Variants in MARCHF7 observed in about 807,000 individuals in gnomAD.
MARCHF7 encodes membrane associated ring-CH-type finger 7, also known as E3 ubiquitin-protein ligase MARCHF7.
In MARCHF7, 20 loss-of-function variants were observed where a neutral mutation model predicts 76.5. The observed-to-expected ratio is 0.26, with a 90% confidence interval of 0.18 to 0.38. MARCHF7 has a LOEUF of 0.38. MARCHF7 is among the 10% of genes least tolerant of loss of function. The probability of loss-of-function intolerance (pLI) is 1.00; values close to 1 mark genes in which losing one functional copy is unlikely to be tolerated. For synonymous variants in MARCHF7, 295 were observed against 293.0 expected, an observed-to-expected ratio of 1.01 and a Z score of -0.07; for missense variants, 797 against 812.9, an observed-to-expected ratio of 0.98 and a Z score of 0.24.
intron 10 of MARCHF7, among the ~76,000 whole-genome samples, chr2:159,763,194 A>AT (rs1408259171): frequency 6.6e-6 from 1 of 152,176 alleles, no homozygotes; most frequent in Non-Finnish European, 1.5e-5. Flanking sequence ...TCATAAAGTT[A>AT]TTTTAGAGAA....
At chr2:159,763,204 AAG>A (rs1707322798) in intron 10 of MARCHF7, among the ~76,000 whole-genome samples, 3 of 152,224 alleles carry the variant, frequency 2.0e-5, no homozygotes, top group Non-Finnish European at 4.4e-5. Flanking sequence ...ATTTTAGAGA[AAG>A]AAGTAATTTT....
intron 8 of MARCHF7, among the ~76,000 whole-genome samples, chr2:159,753,493 G>A (rs138712773): frequency 0.016 from 2,450 of 151,930 alleles, 26 homozygotes; most frequent in South Asian, 0.044. Flanking sequence ...GGAGCTTGCA[G>A]TGAGCCGAGA....
chr2:159,758,089 C>T (rs921661408), intron 8 of MARCHF7, among the ~76,000 whole-genome samples: 7 of 152,292 alleles, frequency 4.6e-5, no homozygotes, highest in African/African-American at 1.7e-4. Flanking sequence ...TAATTAATTG[C>T]TTGCACCTAA....
At chr2:159,766,107 A>G (rs1418300368) in intron 11 of MARCHF7, among the ~76,000 whole-genome samples, 1 of 152,174 alleles carries the variant, frequency 6.6e-6, no homozygotes, top group Non-Finnish European at 1.5e-5. Flanking sequence ...TCAAATAAGC[A>G]TGAAAGACAA....
intron 4 of MARCHF7, chr2:159,733,313 C>G (rs1323856938): frequency 1.8e-6 from 1 of 570,556 alleles, no homozygotes; most frequent in Non-Finnish European, 2.2e-6. Flanking sequence ...TCTCAGCTCA[C>G]TGAAGCCTCT....
intron 10 of MARCHF7, among the ~76,000 whole-genome samples, chr2:159,764,255 T>TGTGTGTGAGCGCGC (rs10592175): frequency 7.6e-6 from 1 of 131,368 alleles, no homozygotes; most frequent in Non-Finnish European, 1.6e-5. Context: ...TGTGTGTGTG[T>TGTGTGTGAGCGCGC]GCGCGCGCCC....
chr2:159,764,062 T>C (rs571796347), intron 10 of MARCHF7, among the ~76,000 whole-genome samples: 2 of 152,280 alleles, frequency 1.3e-5, no homozygotes, highest in Admixed American at 6.5e-5. Flanking sequence ...ATTCATGTGT[T>C]TTTAAAAGTT....
intron 3 of MARCHF7, among the ~76,000 whole-genome samples, chr2:159,727,870 C>T (rs1702352989): frequency 6.6e-6 from 1 of 152,156 alleles, no homozygotes; most frequent in Non-Finnish European, 1.5e-5. Flanking sequence ...CATAGGTAAT[C>T]ATTACTTTCG....
intron 4 of MARCHF7, among the ~76,000 whole-genome samples, chr2:159,737,448 C>G (rs930329718): frequency 6.6e-5 from 10 of 152,100 alleles, no homozygotes; most frequent in African/African-American, 2.4e-4. Flanking sequence ...CAAGTCAGAA[C>G]TACAGTGAGA....
At chr2:159,727,316 G>A (rs1334766481) in intron 3 of MARCHF7, among the ~76,000 whole-genome samples, 4 of 152,216 alleles carry the variant, frequency 2.6e-5, no homozygotes, top group South Asian at 2.1e-4. Flanking sequence ...GGCTGGGCAC[G>A]GTGGCTCATG....
chr2:159,717,627 C>T (rs1348054163), intron 3 of MARCHF7, among the ~76,000 whole-genome samples: 1 of 152,166 alleles, frequency 6.6e-6, no homozygotes, highest in South Asian at 2.1e-4. Flanking sequence ...GCTACTAAGG[C>T]TGTAAACCAG....
At chr2:159,761,683 A>T (rs1022092737) in intron 9 of MARCHF7, among the ~76,000 whole-genome samples, 2 of 152,102 alleles carry the variant, frequency 1.3e-5, no homozygotes, top group East Asian at 3.9e-4. Flanking sequence ...AAATGCTGGG[A>T]TTATAGGCGT....
rs183515655 is a variant in MARCHF7, at chr2:159,763,572, T to C, written c.2007+579T>C. 2.6e-3 allele frequency among the ~76,000 whole-genome samples: 390 copies of C among 152,354 alleles called. 1 individual carries two copies. The highest frequency in any genetic ancestry group is 4.1e-3 in the Non-Finnish European group (280 of 68,032). ...TGTGTCAGTGTACCAGAGGAAACTT[T>C]ATGCTTTGCTGTCTGGGCCATTTTG... On this transcript the variant is annotated intron_variant, in intron 10 of 11. Transcript: ENST00000409175.
rs762125527 is a variant in MARCHF7, at chr2:159,748,713, A to G, written c.1423A>G (p.Ile475Val). ...GGCTCAAGGTGGAAGAAATACAGGA[A>G]TATCAGGGATTCTTCCTGGTTCCTT... ...DSAQGGRNTG[I>V]SGILPGSLFR... Residue 475 changes from isoleucine to valine, a missense_variant, in exon 7 of 12, where the codon ATA becomes GTA. Physicochemically the swap from Ile to Val is conservative, Grantham distance 29. Transcript: ENST00000409175. 2 of 1,614,182 alleles carry G rather than the reference A, an allele frequency of 1.2e-6. No individual in the cohort carries two copies. The highest frequency in any genetic ancestry group is 1.7e-6 in the Non-Finnish European group (2 of 1,180,032).
At chr2:159,760,232 T>C (rs1706867566) in intron 9 of MARCHF7, among the ~76,000 whole-genome samples, 1 of 152,218 alleles carries the variant, frequency 6.6e-6, no homozygotes, top group Non-Finnish European at 1.5e-5. Context: ...GAACCACTTT[T>C]TTTTAAATGT....
chr2:159,739,030 C>T (rs536910930), intron 4 of MARCHF7, among the ~76,000 whole-genome samples: 2 of 152,328 alleles, frequency 1.3e-5, no homozygotes, highest in South Asian at 4.1e-4. Flanking sequence ...GGCACTGCCC[C>T]AAGCATGCGC....
Position 159,721,089 on chromosome 2 carries a change from A to ACTC in MARCHF7, c.-15+5326_-15+5328dup, listed in dbSNP as rs1701593617. On this transcript the variant is annotated intron_variant, in intron 3 of 11. Coordinates refer to ENST00000409175, the MANE Select transcript of MARCHF7 (RefSeq NM_001282805.2). Reference sequence around the variant, plus strand: ...GCCATGTTGGCCAGGCTGGTCTTGAACTCCTGACTTTGTGATTCACCCTCC... The same window carrying ACTC: ...GCCATGTTGGCCAGGCTGGTCTTGAACTCCTCCTGACTTTGTGATTCACCCTCC... Among the ~76,000 whole-genome samples the ACTC allele has an allele frequency of 1.3e-5, 2 of 148,390 alleles. 1 individual carries two copies. Among genetic ancestry groups the ACTC allele is most frequent in the Middle Eastern group, 6.3e-3 (2 of 316 alleles).
chr2:159,716,829 A>G (rs756982109), intron 3 of MARCHF7, among the ~76,000 whole-genome samples: 1 of 152,204 alleles, frequency 6.6e-6, no homozygotes, highest in Non-Finnish European at 1.5e-5. Flanking sequence ...CAGGCATAAG[A>G]TAATGGTATG....
At position 159,743,264 on chromosome 2, in the gene MARCHF7, G is replaced by A. The variant is rs535703149; in HGVS notation, c.346+11G>A. 19 of 1,604,694 alleles carry A rather than the reference G, an allele frequency of 1.2e-5. No individual in the cohort carries two copies. In the South Asian group the frequency reaches 2.0e-4, roughly 17 times the overall value. On this transcript the variant is annotated intron_variant, in intron 5 of 11. Coordinates refer to ENST00000409175, the MANE Select transcript of MARCHF7 (RefSeq NM_001282805.2). The stretch of plus-strand genomic sequence containing the variant: ...TAAACACATTATCAGGTAAGAATGA[G>A]TTTCTGTAGGTATTTTAAGCCGTTT...
Sources: allele counts gnomAD v4.1 joint callset (sites outside exome capture counted in the v4.1 genomes callset), GRCh38; gene constraint gnomAD v4.1.1; transcripts MANE v1.5; gene names NCBI Gene and HGNC (gene_info 2026-07-23, HGNC 2026-07-21).